The following LOXHD1 variants were observed in gnomAD, a reference collection of about 807,000 sequenced individuals.
The protein encoded by LOXHD1 is lipoxygenase homology PLAT domains 1, also known as lipoxygenase homology domain-containing protein 1.
In LOXHD1, 205 loss-of-function variants were observed where a neutral mutation model predicts 248.2. The ratio of observed to expected loss-of-function variants is 0.83; its 90% CI spans 0.74 to 0.93. LOXHD1 has a LOEUF of 0.93. LOXHD1 is among the 40% of genes least tolerant of loss of function. LOXHD1 has a pLI of 0.00. For missense variants in LOXHD1, 2,930 were observed against 2,971.6 expected (o/e 0.99, Z 0.33); for synonymous variants, 1,113 against 1,162.8 (o/e 0.96, Z 0.87).
rs56323729 is a variant in LOXHD1 at position 46,545,627 on chromosome 18, C to CTTTTTTTTTTTTTTTT, written c.3515-222_3515-207dup. Among the ~76,000 whole-genome samples, 12 of 92,244 alleles carry CTTTTTTTTTTTTTTTT rather than the reference C, an allele frequency of 1.3e-4. 1 individual carries two copies. The highest frequency in any genetic ancestry group is 5.4e-4 in the African/African-American group (11 of 20,510). 60.5% of individuals were successfully genotyped at this position (92,244 alleles called of 152,430 possible). A position where few individuals can be genotyped will look rare whatever the true frequency, so the allele number is the denominator to read the frequency against. ...GTTTCTATGTTCCTCTTGGCCATTT[C>CTTTTTTTTTTTTTTTT]TTTTTTTTTTTTTTTTTTTTGAGAC... On this transcript the variant is annotated intron_variant, in intron 22 of 40. Transcript: ENST00000642948.
At chr18:46,494,584 G>A (rs938144796) in intron 37 of LOXHD1, among the ~76,000 whole-genome samples, 27 of 152,106 alleles carry the variant, frequency 1.8e-4, no homozygotes, top group Admixed American at 1.3e-3. Context: ...TTTCACATAT[G>A]TTATCTAAGA....
At chr18:46,561,956 A>G (rs1265279721) in intron 18 of LOXHD1, among the ~76,000 whole-genome samples, 1 of 152,052 alleles carries the variant, frequency 6.6e-6, no homozygotes, top group East Asian at 1.9e-4. Context: ...TTCATCCACC[A>G]CCACATCCAG....
At chr18:46,538,081 G>C in intron 26 of LOXHD1, 75 bp downstream of exon 26, 1 of 1,343,556 alleles carries the variant, frequency 7.4e-7, no homozygotes, top group Non-Finnish European at 1.0e-6. Context: ...CATGTGTTCT[G>C]CCCTGAAGGT....
intron 38 of LOXHD1, among the ~76,000 whole-genome samples, chr18:46,487,394 G>A (rs1238249808): frequency 6.6e-6 from 1 of 152,240 alleles, no homozygotes; most frequent in Non-Finnish European, 1.5e-5. Flanking sequence ...TCAAGGAGCT[G>A]CTGCAGAATA....
chr18:46,560,048 T>TGCCGGGGCCCC, intron 19 of LOXHD1, 35 bp downstream of exon 19: 6 of 1,226,294 alleles, frequency 4.9e-6, no homozygotes, highest in Non-Finnish European at 6.8e-6. Context: ...GTCTGGCCAC[T>TGCCGGGGCCCC]CCCTCCCCAC....
intron 17 of LOXHD1, among the ~76,000 whole-genome samples, chr18:46,565,148 C>T (rs913272879): frequency 6.6e-6 from 1 of 152,044 alleles, no homozygotes; most frequent in African/African-American, 2.4e-5. Flanking sequence ...CCTGTAGTCC[C>T]AGCTACTCAG....
chr18:46,520,176 G>A, intron 33 of LOXHD1: 1 of 460,132 alleles, frequency 2.2e-6, no homozygotes, highest in Non-Finnish European at 4.4e-6. Flanking sequence ...GTCTCTAGCA[G>A]GCGAGAGGCA....
In LOXHD1 at chr18:46,593,582, A is replaced by G. The variant is rs1409809638; in HGVS notation, c.1431+18T>C. The G allele has an allele frequency of 3.2e-6, 5 of 1,551,224 alleles. No homozygotes were observed. Among genetic ancestry groups the G allele is most frequent in the Middle Eastern group, 1.7e-4 (1 of 5,992 alleles). On this transcript the variant is annotated intron_variant, in intron 10 of 40. Transcript: ENST00000642948. ...CCTTCCTCCTTTCTCCCTCCCATCC[A>G]TCACAATCCTCTCCTACCCTAAACT...
At position 46,579,738 on chromosome 18, in the gene LOXHD1, A is replaced by G; in HGVS notation, c.1701T>C (p.Ala567=). The G allele has an allele frequency of 1.3e-6, 2 of 1,551,824 alleles. No individual in the cohort carries two copies. The highest frequency in any genetic ancestry group is 1.7e-6 in the Non-Finnish European group (2 of 1,147,010). Residue 567 remains alanine (A), a synonymous_variant, in exon 13 of 41, where the codon GCT becomes GCC. Coordinates refer to ENST00000642948, the MANE Select transcript of LOXHD1 (RefSeq NM_001384474.1). ...VTVCTGELEG[A]GTDANVYLCL... is the part of the protein sequence containing the mutation. ...AGAGATAGACGTTGGCATCGGTCCC[A>G]GCACCTTCAAGTTCACCTGTGCACA...
intron 37 of LOXHD1, among the ~76,000 whole-genome samples, chr18:46,489,607 A>G (rs2033318649): frequency 6.6e-6 from 1 of 152,160 alleles, no homozygotes; most frequent in Non-Finnish European, 1.5e-5. Flanking sequence ...GAATCAGTTC[A>G]GGTGTCAGCT....
chr18:46,556,653 C>T (rs544664406), intron 21 of LOXHD1: 1 of 170,034 alleles, frequency 5.9e-6, no homozygotes, highest in Non-Finnish European at 1.3e-5. Context: ...CATACCTGCC[C>T]ACCCTCATTC....
At chr18:46,515,244 T>G (rs912848713) in intron 34 of LOXHD1, among the ~76,000 whole-genome samples, 14 of 152,210 alleles carry the variant, frequency 9.2e-5, no homozygotes, top group African/African-American at 2.9e-4. Context: ...AGTATCACCT[T>G]GCACAATAGC....
intron 28 of LOXHD1, among the ~76,000 whole-genome samples, chr18:46,530,892 C>T (rs948453798): frequency 5.9e-5 from 9 of 152,148 alleles, no homozygotes; most frequent in Non-Finnish European, 1.3e-4. Flanking sequence ...CACCCATATT[C>T]CTCAGCTCTC....
chr18:46,494,978 C>G (rs762375761), intron 37 of LOXHD1, among the ~76,000 whole-genome samples: 1 of 151,382 alleles, frequency 6.6e-6, no homozygotes, highest in African/African-American at 2.4e-5. Flanking sequence ...CTCAGACTCC[C>G]GAGTAGCTGG....
intron 4 of LOXHD1, among the ~76,000 whole-genome samples, chr18:46,635,130 C>T (rs185134091): frequency 4.6e-5 from 7 of 152,010 alleles, no homozygotes; most frequent in Admixed American, 2.0e-4. Context: ...CCTGAGAGGA[C>T]GGAACCCTGT....
In LOXHD1 at chr18:46,556,689, C is replaced by T. The variant is rs148217469; in HGVS notation, c.3350+667G>A. On this transcript the variant is annotated intron_variant, in intron 21 of 40. Coordinates refer to ENST00000642948, the MANE Select transcript of LOXHD1 (RefSeq NM_001384474.1). ...TCAGATGTCATCCAGTCCACCCTCA[C>T]CCTCGGATGTCACAGCCAGCTCGCC... 3.2e-4 allele frequency: 58 copies of T among 182,742 alleles called. 1 individual carries two copies. In the East Asian group the frequency reaches 8.8e-3, roughly 28 times the overall value. 11.3% of individuals were successfully genotyped at this position (182,742 alleles called of 1,614,324 possible). A position where few individuals can be genotyped will look rare whatever the true frequency, so the allele number is the denominator to read the frequency against.
intron 37 of LOXHD1, among the ~76,000 whole-genome samples, chr18:46,489,430 T>A (rs2033308267): frequency 6.6e-6 from 1 of 152,216 alleles, no homozygotes; most frequent in South Asian, 2.1e-4. Flanking sequence ...AATTGTGCTG[T>A]AATTATACAT....
chr18:46,604,190 A>C lies in LOXHD1; in HGVS notation c.799T>G (p.Phe267Val), dbSNP rs2038379899. The C allele has an allele frequency of 1.3e-6, 2 of 1,551,728 alleles. No homozygotes were observed. Among genetic ancestry groups the C allele is most frequent in the South Asian group, 1.2e-5 (1 of 84,050 alleles). The change falls in exon 7 of 41, where the codon TTC becomes GTC. Residue 267 changes from phenylalanine to valine, a missense_variant. Coordinates refer to ENST00000642948, the MANE Select transcript of LOXHD1 (RefSeq NM_001384474.1). ...EDIGNKRKYD[F>V]PLNRWLALDE... ...AAGGCCAGCCAGCGGTTAAGGGGGA[A>C]GTCATATTTTCTTTTGTTCCCAATA...
chr18:46,592,654 A>G, intron 10 of LOXHD1, 70 bp from the exon 11 acceptor site: 1 of 1,327,148 alleles, frequency 7.5e-7, no homozygotes, highest in Admixed American at 2.0e-5. Context: ...TAGCTGACCC[A>G]CTCTCAGGAG....
Sources: allele counts gnomAD v4.1 joint callset (sites outside exome capture counted in the v4.1 genomes callset), GRCh38; gene constraint gnomAD v4.1.1; transcripts MANE v1.5; gene names NCBI Gene and HGNC (gene_info 2026-07-23, HGNC 2026-07-21).